Variants in SPAG16 observed in about 807,000 individuals in gnomAD.
The protein encoded by SPAG16 is sperm-associated antigen 16 protein.
In SPAG16, 86 loss-of-function variants were observed where a neutral mutation model predicts 80.4. The observed-to-expected ratio is 1.07, with a 90% CI of 0.90 to 1.28. The LOEUF (loss-of-function observed/expected upper bound fraction) is 1.28. Ranked by LOEUF, SPAG16 falls within the 50% of genes most tolerant of loss-of-function variation. The probability of loss-of-function intolerance (pLI) is 0.00; values close to 1 mark genes in which losing one functional copy is unlikely to be tolerated. For missense variants in SPAG16, 870 were observed against 765.3 expected (o/e 1.14, Z -1.61); for synonymous variants, 294 against 265.9 (o/e 1.11, Z -1.03).
At chr2:214,382,505 T>C (rs1259909126) in intron 15 of SPAG16, among the ~76,000 whole-genome samples, 1 of 152,228 alleles carries the variant, frequency 6.6e-6, no homozygotes, top group African/African-American at 2.4e-5. Flanking sequence ...AGATCTTGTT[T>C]CTGCAGGTAA....
At chr2:213,946,273 C>T (rs1243474621) in intron 12 of SPAG16, among the ~76,000 whole-genome samples, 1 of 152,156 alleles carries the variant, frequency 6.6e-6, no homozygotes, top group East Asian at 1.9e-4. Context: ...TGCCACCACA[C>T]CCATCTAATT....
rs117656244 is a variant in SPAG16 at position 213,908,424 on chromosome 2, G to A, written c.1215-21536G>A. 1.1e-3 allele frequency among the ~76,000 whole-genome samples: 175 copies of A among 152,242 alleles called. 6 individuals carry two copies. In the East Asian group the frequency reaches 0.032, roughly 28 times the overall value. On this transcript the variant is annotated intron_variant, in intron 11 of 15. Transcript: ENST00000331683. ...CAAAGTTATTACAAATATTCTTAGA[G>A]CTTTCTTGGCCATCGTGCAAATATT...
chr2:214,210,650 A>G (rs2058266961), intron 15 of SPAG16, among the ~76,000 whole-genome samples: 1 of 152,106 alleles, frequency 6.6e-6, no homozygotes, highest in Non-Finnish European at 1.5e-5. Context: ...ATTACAAATG[A>G]TTGGAAAAAA....
At chr2:214,393,228 AGTGG>A (rs1701188328) in intron 15 of SPAG16, among the ~76,000 whole-genome samples, 2 of 152,216 alleles carry the variant, frequency 1.3e-5, no homozygotes, top group African/African-American at 4.8e-5. Context: ...GACAGTTTAT[AGTGG>A]GTAACTTATC....
chr2:214,214,739 A>G (rs1340312990), intron 15 of SPAG16, among the ~76,000 whole-genome samples: 1 of 151,814 alleles, frequency 6.6e-6, no homozygotes, highest in Non-Finnish European at 1.5e-5. Flanking sequence ...AAAATTAGGT[A>G]TATTTATTTA....
At chr2:213,676,930 A>G (rs1307537025) in intron 10 of SPAG16, among the ~76,000 whole-genome samples, 3 of 150,832 alleles carry the variant, frequency 2.0e-5, no homozygotes, top group Non-Finnish European at 4.4e-5. Context: ...CTCTTTTTCT[A>G]TTGATTGGAA....
chr2:214,120,578 C>T (rs1372967685), intron 14 of SPAG16, among the ~76,000 whole-genome samples: 2 of 151,842 alleles, frequency 1.3e-5, no homozygotes, highest in African/African-American at 4.8e-5. Context: ...AAAAAGTTCA[C>T]TGAAACTCTT....
intron 11 of SPAG16, among the ~76,000 whole-genome samples, chr2:213,883,632 G>A (rs963429219): frequency 4.6e-5 from 7 of 152,104 alleles, no homozygotes; most frequent in Middle Eastern, 3.2e-3. Context: ...CACTATTATA[G>A]TGTGGTTGTC....
At position 213,375,098 on chromosome 2, in the gene SPAG16, A is replaced by C. The variant is rs1378588665; in HGVS notation, c.921A>C (p.Thr307=). 1 of 1,607,604 alleles carries C rather than the reference A, an allele frequency of 6.2e-7. No homozygotes were observed. Among genetic ancestry groups the C allele is most frequent in the Non-Finnish European group, 8.5e-7 (1 of 1,177,554 alleles). The change falls in exon 9 of 16, where the codon ACA becomes ACC. Residue 307 remains threonine, a synonymous_variant. Transcript: ENST00000331683. ...REAREQNKCK[T]KMKGNTKDSE... ...CCAGGGAACAAAACAAATGTAAAAC[A>C]AAGATGAAAGGCAATACAAAGGTAT...
At chr2:214,151,463 T>G (rs1293713835) in intron 15 of SPAG16, among the ~76,000 whole-genome samples, 1 of 152,022 alleles carries the variant, frequency 6.6e-6, no homozygotes, top group Admixed American at 6.6e-5. Flanking sequence ...AAGAGAAGTG[T>G]AACAAAATTG....
At chr2:213,309,807 G>T (rs527383198) in intron 3 of SPAG16, among the ~76,000 whole-genome samples, 46 of 152,092 alleles carry the variant, frequency 3.0e-4, no homozygotes, top group African/African-American at 9.9e-4. Flanking sequence ...ATCTGTCATA[G>T]TATATGTTTT....
At chr2:213,580,874 A>G (rs996795267) in intron 10 of SPAG16, among the ~76,000 whole-genome samples, 4 of 152,058 alleles carry the variant, frequency 2.6e-5, no homozygotes, top group Non-Finnish European at 5.9e-5. Flanking sequence ...TTGCACATGT[A>G]TCTCCCAGCC....
intron 13 of SPAG16, among the ~76,000 whole-genome samples, chr2:214,082,293 A>G (rs2051434896): frequency 1.3e-5 from 2 of 152,146 alleles, no homozygotes; most frequent in Non-Finnish European, 2.9e-5. Context: ...CTGTTTTTCC[A>G]TAAATAAATT....
chr2:213,450,044 C>T (rs939631536), intron 9 of SPAG16, among the ~76,000 whole-genome samples: 1 of 152,180 alleles, frequency 6.6e-6, no homozygotes, highest in Non-Finnish European at 1.5e-5. Context: ...GTGGCTCACA[C>T]CTGTAATCCC....
rs2073910360 is a variant in SPAG16, at chr2:213,833,576, T to TATTATAA, written c.1071-28908_1071-28907insTTATAAA. Among the ~76,000 whole-genome samples, 8 of 20,024 alleles carry TATTATAA rather than the reference T, an allele frequency of 4.0e-4. 2 individuals are homozygous for TATTATAA. In the South Asian group the frequency reaches 5.7e-3, roughly 14 times the overall value. 13.1% of individuals were successfully genotyped at this position (20,024 alleles called of 152,430 possible). A position where few individuals can be genotyped will look rare whatever the true frequency, so the allele number is the denominator to read the frequency against. On this transcript the variant is annotated intron_variant, in intron 10 of 15. Coordinates refer to ENST00000331683, the MANE Select transcript of SPAG16 (RefSeq NM_024532.5). ...ATATATAATATATATAATATATATA[T>TATTATAA]AATATATATATTATATATATATAAA...
At chr2:213,924,750 T>G (rs1225570623) in intron 11 of SPAG16, among the ~76,000 whole-genome samples, 1 of 152,206 alleles carries the variant, frequency 6.6e-6, no homozygotes, top group Non-Finnish European at 1.5e-5. Context: ...TTGTTTCTTT[T>G]TAGCCAAACT....
In SPAG16 at chr2:214,090,819, G is replaced by A. The variant is rs1017160200; in HGVS notation, c.1528-17377G>A. Among the ~76,000 whole-genome samples the A allele has an allele frequency of 5.3e-5, 8 of 151,832 alleles. No homozygotes were observed. In the South Asian group the frequency reaches 1.0e-3, roughly 20 times the overall value. On this transcript the variant is annotated intron_variant, in intron 13 of 15. Transcript: ENST00000331683. ...CTGTTTCTTCCTCATTAGTCTTTGC[G>A]TCCTTTGAGAGTAAAAATATATACT...
intron 12 of SPAG16, among the ~76,000 whole-genome samples, chr2:213,941,104 A>G (rs1342614628): frequency 6.6e-6 from 1 of 152,088 alleles, no homozygotes; most frequent in Non-Finnish European, 1.5e-5. Flanking sequence ...GCCATCCCTT[A>G]TATTCTAGAT....
intron 13 of SPAG16, among the ~76,000 whole-genome samples, chr2:214,102,249 G>C (rs10514628): frequency 0.2 from 30,974 of 151,572 alleles, 3,735 homozygotes; most frequent in African/African-American, 0.31. Context: ...GGATGAGTTT[G>C]TCTTGTGGAG....
Sources: allele counts gnomAD v4.1 joint callset (sites outside exome capture counted in the v4.1 genomes callset), GRCh38; gene constraint gnomAD v4.1.1; transcripts MANE v1.5; gene names NCBI Gene and HGNC (gene_info 2026-07-23, HGNC 2026-07-21).